OCIAD1: variants seen among roughly 807,000 people sequenced by gnomAD.
OCIAD1 encodes OCIA domain containing 1, also known as OCIA domain-containing protein 1.
Under a neutral mutation model 38.9 loss-of-function variants are expected in OCIAD1, and 29 were observed. That is an observed-to-expected ratio of 0.74 (90% CI 0.55 to 1.02). OCIAD1 has a LOEUF of 1.02. Ranked by LOEUF, OCIAD1 falls within the 50% of genes least tolerant of loss-of-function variation. The pLI, the probability that OCIAD1 is intolerant of heterozygous loss-of-function variation, is 0.00. For missense variants in OCIAD1, 288 were observed against 289.6 expected (o/e 0.99, Z 0.04); for synonymous variants, 110 against 92.0 (o/e 1.20, Z -1.12).
At chr4:48,852,540 G>C (rs1453444670) in intron 7 of OCIAD1, 2 of 152,124 alleles carry the variant, frequency 1.3e-5, no homozygotes, top group African/African-American at 4.8e-5. Context: ...ATTAAGGCTT[G>C]GATTTGAATC....
At chr4:48,822,511 A>G (rs1777204497) in intron 1 of OCIAD1, among the ~76,000 whole-genome samples, 1 of 152,216 alleles carries the variant, frequency 6.6e-6, no homozygotes, top group Admixed American at 6.5e-5. Flanking sequence ...TAAAACACAA[A>G]AGTAATCACA....
intron 4 of OCIAD1, among the ~76,000 whole-genome samples, chr4:48,846,311 A>G (rs1778973729): frequency 6.6e-6 from 1 of 152,254 alleles, no homozygotes; most frequent in African/African-American, 2.4e-5. Flanking sequence ...CTTTAATTAC[A>G]TGAAATCATA....
Position 48,814,856 on chromosome 4 carries a change from T to C in OCIAD1, c.-103+9526T>C, listed in dbSNP as rs536728342. 1.2e-4 allele frequency among the ~76,000 whole-genome samples: 18 copies of C among 152,322 alleles called. No individual in the cohort carries two copies. The South Asian group carries it at 3.5e-3, about 30-fold the overall frequency. On this transcript the variant is annotated intron_variant, in intron 1 of 6. Transcript: ENST00000504654. ...TCTCAGAGGTATTAATAGATTCTTCTTAGGTTCATATTCATACTGACACAT... is the reference window on the plus strand; with the variant it reads ...TCTCAGAGGTATTAATAGATTCTTCCTAGGTTCATATTCATACTGACACAT...
intron 1 of OCIAD1, among the ~76,000 whole-genome samples, chr4:48,822,562 A>G (rs113519221): frequency 1.1e-4 from 17 of 152,364 alleles, no homozygotes; most frequent in Admixed American, 3.9e-4. Flanking sequence ...ATTAAACTGA[A>G]GAGCTTCTGC....
At chr4:48,833,601 T>C (rs1477739823) in intron 3 of OCIAD1, 120 bp downstream of exon 3, 1 of 629,592 alleles carries the variant, frequency 1.6e-6, no homozygotes. Context: ...ACTTTTTGCA[T>C]AGTGTGGTTG....
At chr4:48,841,861 A>G (rs1778562421) in intron 3 of OCIAD1, among the ~76,000 whole-genome samples, 1 of 152,208 alleles carries the variant, frequency 6.6e-6, no homozygotes, top group Admixed American at 6.5e-5. Flanking sequence ...GCATATATAT[A>G]TATAGATGTA....
intron 1 of OCIAD1, among the ~76,000 whole-genome samples, chr4:48,810,210 A>T (rs1777070925): frequency 6.6e-6 from 1 of 151,886 alleles, no homozygotes; most frequent in African/African-American, 2.4e-5. Flanking sequence ...TGTTTAAGAG[A>T]TGAGATCCCA....
At chr4:48,850,324 TC>T (rs1244371579) in intron 6 of OCIAD1, among the ~76,000 whole-genome samples, 1 of 152,196 alleles carries the variant, frequency 6.6e-6, no homozygotes, top group Admixed American at 6.5e-5. Flanking sequence ...AATGGCATGA[TC>T]CTAGCTCACT....
intron 1 of OCIAD1, among the ~76,000 whole-genome samples, chr4:48,807,815 A>G (rs1777044226): frequency 6.6e-6 from 1 of 152,202 alleles, no homozygotes; most frequent in African/African-American, 2.4e-5. Flanking sequence ...GCTCAAAGCC[A>G]CTGCTTCAAA....
intron 1 of OCIAD1, among the ~76,000 whole-genome samples, chr4:48,809,930 G>A (rs1050799195): frequency 9.2e-5 from 14 of 152,124 alleles, no homozygotes; most frequent in South Asian, 4.1e-4. Context: ...AAATCAGACC[G>A]TATGGATTTG....
chr4:48,854,831 T>C (rs1779869709), intron 7 of OCIAD1, among the ~76,000 whole-genome samples: 1 of 152,248 alleles, frequency 6.6e-6, no homozygotes, highest in Non-Finnish European at 1.5e-5. Flanking sequence ...AGTCCTACTT[T>C]AGTTCTGCTT....
At chr4:48,812,515 A>G (rs1472017150) in intron 1 of OCIAD1, among the ~76,000 whole-genome samples, 1 of 151,960 alleles carries the variant, frequency 6.6e-6, no homozygotes, top group Non-Finnish European at 1.5e-5. Context: ...TAGAGGGAAA[A>G]AAGAAAAGGG....
intron 5 of OCIAD1, among the ~76,000 whole-genome samples, chr4:48,849,134 G>A (rs551460937): frequency 7.2e-5 from 11 of 152,162 alleles, no homozygotes; most frequent in African/African-American, 1.9e-4. Flanking sequence ...ATCACACACC[G>A]GGGCCTGTTG....
In OCIAD1 at chr4:48,823,705, C is replaced by G. The variant is rs540142100; in HGVS notation, c.-102-6872C>G. Among the ~76,000 whole-genome samples the G allele has an allele frequency of 3.3e-5, 5 of 151,568 alleles. No homozygotes were observed. The East Asian group carries it at 9.7e-4, about 29-fold the overall frequency. ...TTAGAGAAGGTCTTGTTCTGTTGCC[C>G]AGGCTGGAGTGCAGTGGCATTATCA... On this transcript the variant is annotated intron_variant, in intron 1 of 6. Transcript: ENST00000504654.
chr4:48,848,138 C>A (rs1361838031), intron 4 of OCIAD1, among the ~76,000 whole-genome samples: 1 of 151,788 alleles, frequency 6.6e-6, no homozygotes, highest in Non-Finnish European at 1.5e-5. Flanking sequence ...TTTTCATACA[C>A]ACACACATAT....
At chr4:48,817,274 A>G (rs1239577170) in intron 1 of OCIAD1, among the ~76,000 whole-genome samples, 1 of 151,182 alleles carries the variant, frequency 6.6e-6, no homozygotes, top group Non-Finnish European at 1.5e-5. Flanking sequence ...GGTTTTTGCA[A>G]TCTGCAGATC....
rs1424085243 is a variant in OCIAD1, at chr4:48,860,802, G to C, written c.*40G>C. 2.0e-6 allele frequency: 3 copies of C among 1,470,294 alleles called. No individual in the cohort carries two copies. Among genetic ancestry groups the C allele is most frequent in the Non-Finnish European group, 2.9e-6 (3 of 1,051,032 alleles). 91.1% of individuals were successfully genotyped at this position (1,470,294 alleles called of 1,614,324 possible). A position where few individuals can be genotyped will look rare whatever the true frequency, so the allele number is the denominator to read the frequency against. On this transcript the variant is annotated 3_prime_UTR_variant, in exon 9 of 9. Coordinates refer to ENST00000264312, the MANE Select transcript of OCIAD1 (RefSeq NM_017830.4). ...GGACATGAAGGAGTTTCAACATCCAGCTTCATCTAGGTGGTCATGATTACC... is the reference window on the plus strand; with the variant it reads ...GGACATGAAGGAGTTTCAACATCCACCTTCATCTAGGTGGTCATGATTACC...
intron 4 of OCIAD1, among the ~76,000 whole-genome samples, chr4:48,843,177 T>C (rs1022654975): frequency 2.6e-5 from 4 of 152,206 alleles, no homozygotes; most frequent in African/African-American, 9.6e-5. Flanking sequence ...TGGCAGGTGA[T>C]CTATTTTTAA....
intron 7 of OCIAD1, chr4:48,852,247 C>T: frequency 3.3e-6 from 1 of 304,456 alleles, no homozygotes; most frequent in Non-Finnish European, 6.0e-6. Flanking sequence ...TATAGAAATA[C>T]AAGGATGAAT....
Sources: allele counts gnomAD v4.1 joint callset (sites outside exome capture counted in the v4.1 genomes callset), GRCh38; gene constraint gnomAD v4.1.1; transcripts MANE v1.5; gene names NCBI Gene and HGNC (gene_info 2026-07-23, HGNC 2026-07-21).